Variants in YJU2B observed in about 807,000 individuals in gnomAD.
YJU2B encodes YJU2 splicing factor homolog B.
Under a neutral mutation model 38.0 loss-of-function variants are expected in YJU2B, and 18 were observed. The observed-to-expected ratio is 0.47, with a 90% confidence interval of 0.33 to 0.70. The LOEUF is 0.70. Ranked by LOEUF, YJU2B falls within the 30% of genes least tolerant of loss-of-function variation. YJU2B has a pLI of 0.02. For synonymous variants in YJU2B, 246 were observed against 225.4 expected, an observed-to-expected ratio of 1.09 and a Z score of -0.82; for missense variants, 538 against 556.3, an observed-to-expected ratio of 0.97 and a Z score of 0.33.
chr19:13,732,197 A>C (rs1440306442), exon 2 of YJU2B: 1 of 152,174 alleles, frequency 6.6e-6, no homozygotes, highest in East Asian at 1.9e-4. Context: ...AGGTCCAGAA[A>C]AGTTATGACT....
chr19:13,757,003 T>C (rs1048163744), intron 4 of YJU2B, among the ~76,000 whole-genome samples: 4 of 149,312 alleles, frequency 2.7e-5, no homozygotes, highest in Non-Finnish European at 4.4e-5. Flanking sequence ...TCGCCGGAAT[T>C]GGTGGCGCAC....
At chr19:13,757,571 T>C in intron 5 of YJU2B, 98 bp downstream of exon 5, 1 of 1,225,990 alleles carries the variant, frequency 8.2e-7, no homozygotes, top group East Asian at 2.4e-5. Flanking sequence ...TGATCAGGAA[T>C]GAGGGAGGAG....
intron 2 of YJU2B, among the ~76,000 whole-genome samples, chr19:13,736,774 G>A (rs1365343422): frequency 6.6e-6 from 1 of 151,932 alleles, no homozygotes; most frequent in Admixed American, 6.6e-5. Flanking sequence ...GCTCACGCCT[G>A]TCGTCCCAGC....
chr19:13,739,952 G>T (rs967399760), intron 2 of YJU2B, among the ~76,000 whole-genome samples: 15 of 151,948 alleles, frequency 9.9e-5, no homozygotes, highest in Non-Finnish European at 1.5e-4. Context: ...CTGTGTCCAC[G>T]CGTTCTCATT....
At chr19:13,745,692 T>TAGATAGATAG (rs57681294), upstream of YJU2B, among the ~76,000 whole-genome samples, 20 of 93,294 alleles carry the variant, frequency 2.1e-4, no homozygotes, top group East Asian at 9.9e-4. Flanking sequence ...GATAGATAGA[T>TAGATAGATAG]ATAGATATAT....
intron 2 of YJU2B, 111 bp from the exon 3 acceptor site, chr19:13,754,178 T>C: frequency 1.2e-6 from 1 of 804,908 alleles, no homozygotes; most frequent in Non-Finnish European, 2.1e-6. Context: ...TCTCTAAAAA[T>C]TAATAGTAAA....
At position 13,757,424 on chromosome 19, in the gene YJU2B, A is replaced by G; in HGVS notation, c.147A>G (p.Glu49=). 1 of 1,613,910 alleles carries G rather than the reference A, an allele frequency of 6.2e-7. No individual in the cohort carries two copies. Among genetic ancestry groups the G allele is most frequent in the Non-Finnish European group, 8.5e-7 (1 of 1,179,862 alleles). The change falls in exon 5 of 10, where the codon GAA becomes GAG. Residue 49 remains glutamate, a synonymous_variant. Transcript: ENST00000221554. Reference sequence around the variant, plus strand: ...ATGCTGTCTGTCTTTGCAGATTCGAAATGCCATATAACATCTGGTGCGATG... The same window carrying G: ...ATGCTGTCTGTCTTTGCAGATTCGAGATGCCATATAACATCTGGTGCGATG... The part of the protein sequence containing the change: ...LSQGILIIRF[E]MPYNIWCDGC...
At chr19:13,751,898 T>G in intron 2 of YJU2B, 87 bp downstream of exon 2, 59 of 1,275,836 alleles carry the variant, frequency 4.6e-5, no homozygotes, top group Non-Finnish European at 5.8e-5. Flanking sequence ...CCCAGAGCTC[T>G]AAGATGATGA....
Position 13,757,608 on chromosome 19 carries a change from A to G in YJU2B, c.196+135A>G, listed in dbSNP as rs911350378. 1.1e-5 allele frequency: 12 copies of G among 1,065,664 alleles called. No homozygotes were observed. The African/African-American group carries it at 1.6e-4, about 14-fold the overall frequency. 66.0% of individuals were successfully genotyped at this position (1,065,664 alleles called of 1,614,324 possible). A position where few individuals can be genotyped will look rare whatever the true frequency, so the allele number is the denominator to read the frequency against. Reference sequence around the variant, plus strand: ...CGGGCACCCGAGTGACTGGCTGGCCATGGAAGCCCCTTTGCAGAGGGATTA... The same window carrying G: ...CGGGCACCCGAGTGACTGGCTGGCCGTGGAAGCCCCTTTGCAGAGGGATTA... On this transcript the variant is annotated intron_variant, in intron 5 of 9. Transcript: ENST00000221554.
chr19:13,753,033 C>T (rs1252578590), intron 2 of YJU2B, among the ~76,000 whole-genome samples: 1 of 152,184 alleles, frequency 6.6e-6, no homozygotes, highest in Admixed American at 6.5e-5. Context: ...ATACTTCTTA[C>T]CGTCAATCAC....
intron 2 of YJU2B, among the ~76,000 whole-genome samples, chr19:13,737,551 C>G (rs529473264): frequency 7.3e-4 from 104 of 142,818 alleles, no homozygotes; most frequent in African/African-American, 2.5e-3. Context: ...CCTTGGGAGG[C>G]CGAGGCAGGT....
chr19:13,760,697 A>G (rs192430155), intron 8 of YJU2B, among the ~76,000 whole-genome samples: 116 of 151,956 alleles, frequency 7.6e-4, no homozygotes, highest in African/African-American at 2.7e-3. Flanking sequence ...GGTTCAAGCA[A>G]TCCTCCCCAC....
intron 2 of YJU2B, among the ~76,000 whole-genome samples, chr19:13,732,786 T>G (rs2145068114): frequency 6.6e-6 from 1 of 151,648 alleles, no homozygotes; most frequent in South Asian, 2.1e-4. Flanking sequence ...TTTCTGTATT[T>G]TTAGTAGAGA....
chr19:13,757,131 A>ACT (rs1434616310), intron 4 of YJU2B, among the ~76,000 whole-genome samples: 1 of 151,000 alleles, frequency 6.6e-6, no homozygotes, highest in East Asian at 1.9e-4. Context: ...ACAGAGCAAG[A>ACT]CTCTGTCTCA....
intron 2 of YJU2B, among the ~76,000 whole-genome samples, chr19:13,739,695 C>A (rs939989025): frequency 1.3e-5 from 2 of 152,150 alleles, no homozygotes; most frequent in Non-Finnish European, 2.9e-5. Context: ...CTTCTTTATC[C>A]TTCCAGTCAC....
intron 2 of YJU2B, among the ~76,000 whole-genome samples, chr19:13,737,750 A>C (rs1336498150): frequency 1.3e-5 from 2 of 151,376 alleles, no homozygotes; most frequent in Non-Finnish European, 2.9e-5. Context: ...ATGCCACTGC[A>C]CTCCAGCCTG....
At chr19:13,751,466 A>C in intron 1 of YJU2B, 142 bp from the exon 2 acceptor site, 1 of 288,228 alleles carries the variant, frequency 3.5e-6, no homozygotes, top group Non-Finnish European at 6.5e-6. Flanking sequence ...TGTCAAGGGC[A>C]GAGTCGGGAG....
chr19:13,742,595 A>C (rs998934601), intron 2 of YJU2B, among the ~76,000 whole-genome samples: 2 of 152,058 alleles, frequency 1.3e-5, no homozygotes, highest in African/African-American at 4.8e-5. Flanking sequence ...TCCCTGTATC[A>C]ATTCCTTTGG....
upstream of YJU2B, among the ~76,000 whole-genome samples, chr19:13,745,491 C>T (rs1202629387): frequency 1.3e-5 from 2 of 151,748 alleles, no homozygotes; most frequent in African/African-American, 2.4e-5. Context: ...GGAGAAACCC[C>T]GTCTCTACTA....
Sources: allele counts gnomAD v4.1 joint callset (sites outside exome capture counted in the v4.1 genomes callset), GRCh38; gene constraint gnomAD v4.1.1; transcripts MANE v1.5; gene names NCBI Gene and HGNC (gene_info 2026-07-23, HGNC 2026-07-21).